The following SCHIP1 variants were observed in gnomAD, a reference collection of about 807,000 sequenced individuals.
The protein encoded by SCHIP1 is schwannomin interacting protein 1.
SCHIP1 carries 8 observed loss-of-function variants against 29.7 expected under a neutral mutation model. The observed-to-expected ratio is 0.27, with a 90% CI of 0.16 to 0.49. The LOEUF is 0.49. SCHIP1 is among the 20% of genes least tolerant of loss of function. The pLI is 0.99. For missense variants in SCHIP1, 193 were observed against 294.6 expected, an observed-to-expected ratio of 0.66 and a Z score of 2.52; for synonymous variants, 76 against 94.9, an observed-to-expected ratio of 0.80 and a Z score of 1.16.
chr3:159,583,849 C>CAT, the SCHIP1 span, among the ~76,000 whole-genome samples: 1 of 152,174 alleles, frequency 6.6e-6, no homozygotes, highest in African/African-American at 2.4e-5. Context: ...CTCCTTGGAG[C>CAT]ATTTCTGTGT....
the SCHIP1 span, among the ~76,000 whole-genome samples, chr3:159,687,400 T>C: frequency 6.6e-6 from 1 of 152,318 alleles, no homozygotes; most frequent in Non-Finnish European, 1.5e-5. Flanking sequence ...ATATTCTATG[T>C]TTACTGAAGA....
chr3:159,626,251 T>TCTAGATAG, the SCHIP1 span, among the ~76,000 whole-genome samples: 11 of 93,736 alleles, frequency 1.2e-4, no homozygotes, highest in Non-Finnish European at 2.0e-4. Flanking sequence ...TATCTATCTA[T>TCTAGATAG]ATAGATAGAT....
At chr3:159,719,256 G>C in the SCHIP1 span, among the ~76,000 whole-genome samples, 1 of 152,144 alleles carries the variant, frequency 6.6e-6, no homozygotes, top group Non-Finnish European at 1.5e-5. Context: ...AGACTTAAAT[G>C]TCAGACCTAA....
the SCHIP1 span, among the ~76,000 whole-genome samples, chr3:159,534,634 T>A: frequency 1.3e-4 from 20 of 152,106 alleles, no homozygotes; most frequent in African/African-American, 3.4e-4. Context: ...CCCAGAGTGG[T>A]GTATATGACT....
the SCHIP1 span, among the ~76,000 whole-genome samples, chr3:159,707,209 A>G: frequency 6.6e-6 from 1 of 152,174 alleles, no homozygotes; most frequent in Non-Finnish European, 1.5e-5. Context: ...GATGTGTGGG[A>G]GCTACCTAGG....
At chr3:159,273,593 C>T in the SCHIP1 span, 1 of 1,284,758 alleles carries the variant, frequency 7.8e-7, no homozygotes, top group Non-Finnish European at 9.8e-7. Flanking sequence ...AGCTCTCGCT[C>T]TTTTTTGCCA....
the SCHIP1 span, among the ~76,000 whole-genome samples, chr3:159,453,673 AC>A: frequency 6.6e-6 from 1 of 152,144 alleles, no homozygotes; most frequent in Admixed American, 6.6e-5. Flanking sequence ...AATATAAAGC[AC>A]CCCATAAATA....
chr3:159,396,062 T>A, the SCHIP1 span, among the ~76,000 whole-genome samples: 1 of 144,628 alleles, frequency 6.9e-6, no homozygotes, highest in African/African-American at 2.5e-5. Flanking sequence ...TTGATCCCTT[T>A]ACCATTATGT....
the SCHIP1 span, among the ~76,000 whole-genome samples, chr3:159,518,218 C>T: frequency 6.6e-6 from 1 of 151,922 alleles, no homozygotes; most frequent in African/African-American, 2.4e-5. Flanking sequence ...GTTTTAAATA[C>T]ATCCATATGT....
chr3:159,684,420 G>A, the SCHIP1 span, among the ~76,000 whole-genome samples: 1,782 of 152,238 alleles, frequency 0.012, 35 homozygotes, highest in African/African-American at 0.04. Flanking sequence ...CTTCTCTCAG[G>A]AAAGGTGAGT....
the SCHIP1 span, among the ~76,000 whole-genome samples, chr3:159,748,064 A>G: frequency 0.43 from 65,137 of 151,958 alleles, 15,042 homozygotes; most frequent in Middle Eastern, 0.55. Flanking sequence ...TTTGTTTACT[A>G]TTTTTACCTT....
chr3:159,380,113 G>A, the SCHIP1 span, among the ~76,000 whole-genome samples: 1 of 152,176 alleles, frequency 6.6e-6, no homozygotes, highest in African/African-American at 2.4e-5. Flanking sequence ...TTGTAATGCT[G>A]AGTAAAGTTG....
intron 4 of SCHIP1, chr3:159,888,588 G>A (rs1204828057): frequency 1.7e-5 from 7 of 416,704 alleles, no homozygotes; most frequent in South Asian, 5.4e-5. Flanking sequence ...TATTAAAGAC[G>A]AGTCAAAAAG....
At chr3:159,363,743 G>C in the SCHIP1 span, among the ~76,000 whole-genome samples, 1 of 152,192 alleles carries the variant, frequency 6.6e-6, no homozygotes, top group Non-Finnish European at 1.5e-5. Flanking sequence ...TTCATTCCAA[G>C]TGTGGTGTTT....
the SCHIP1 span, among the ~76,000 whole-genome samples, chr3:159,444,312 C>T: frequency 2.0e-5 from 3 of 152,038 alleles, no homozygotes; most frequent in African/African-American, 7.2e-5. Context: ...CCAGTACTCC[C>T]AGCCTACTCT....
At chr3:159,462,730 T>C in the SCHIP1 span, among the ~76,000 whole-genome samples, 1 of 152,154 alleles carries the variant, frequency 6.6e-6, no homozygotes, top group Non-Finnish European at 1.5e-5. Context: ...GGAACTTTTC[T>C]TCCCCTCAGT....
At chr3:159,338,256 C>T in the SCHIP1 span, among the ~76,000 whole-genome samples, 1 of 152,032 alleles carries the variant, frequency 6.6e-6, no homozygotes, top group Non-Finnish European at 1.5e-5. Flanking sequence ...AAAGAGGTTA[C>T]AACCTTAAAT....
the SCHIP1 span, among the ~76,000 whole-genome samples, chr3:159,292,318 C>A: frequency 3.2e-4 from 49 of 152,160 alleles, no homozygotes; most frequent in African/African-American, 1.1e-3. Context: ...GAGCTCATTG[C>A]AACATTCTAT....
the SCHIP1 span, among the ~76,000 whole-genome samples, chr3:159,666,513 T>G: frequency 9.7e-4 from 148 of 152,348 alleles, no homozygotes; most frequent in Admixed American, 3.5e-3. Flanking sequence ...AGGTGGTTTA[T>G]AGTTATATTT....
Sources: allele counts gnomAD v4.1 joint callset (sites outside exome capture counted in the v4.1 genomes callset), GRCh38; gene constraint gnomAD v4.1.1; transcripts MANE v1.5; gene names NCBI Gene and HGNC (gene_info 2026-07-23, HGNC 2026-07-21).